Variants in CACNB2 observed in about 807,000 individuals in gnomAD.
The protein encoded by CACNB2 is voltage-dependent L-type calcium channel subunit beta-2.
A neutral mutation model predicts 73.3 loss-of-function variants in CACNB2; 42 were observed. That is an observed-to-expected ratio of 0.57 (90% CI 0.45 to 0.74). CACNB2 has a LOEUF of 0.74. Among genes scored for constraint, CACNB2 ranks in the 30% least tolerant of loss-of-function variants. The pLI, the probability that CACNB2 is intolerant of heterozygous loss-of-function variation, is 0.00. For missense variants in CACNB2, 940 were observed against 853.0 expected (o/e 1.10, Z -1.27); for synonymous variants, 348 against 310.3 (o/e 1.12, Z -1.28).
At chr10:18,438,308 C>T (rs1167158335) in intron 3 of CACNB2, among the ~76,000 whole-genome samples, 1 of 151,226 alleles carries the variant, frequency 6.6e-6, no homozygotes, top group African/African-American at 2.4e-5. Context: ...GGATTACAGG[C>T]GTGAGCCACC....
At chr10:18,343,958 C>A (rs1449107898) in intron 2 of CACNB2, among the ~76,000 whole-genome samples, 1 of 151,776 alleles carries the variant, frequency 6.6e-6, no homozygotes, top group East Asian at 1.9e-4. Context: ...TGGGCGTAAA[C>A]CTGAGACAAC....
At chr10:18,252,314 T>A (rs1324708777) in intron 2 of CACNB2, among the ~76,000 whole-genome samples, 1 of 152,160 alleles carries the variant, frequency 6.6e-6, no homozygotes, top group Non-Finnish European at 1.5e-5. Flanking sequence ...CCAGGAGAAA[T>A]CGGTGTCTGG....
At chr10:18,210,087 C>A (rs2035256742) in intron 2 of CACNB2, among the ~76,000 whole-genome samples, 1 of 152,134 alleles carries the variant, frequency 6.6e-6, no homozygotes, top group Admixed American at 6.6e-5. Context: ...TGTCATATCC[C>A]CGTTTGAAAG....
chr10:18,172,717 G>A (rs1451830198), intron 2 of CACNB2, among the ~76,000 whole-genome samples: 2 of 151,970 alleles, frequency 1.3e-5, no homozygotes, highest in Non-Finnish European at 2.9e-5. Context: ...TATTTTCAGT[G>A]GATGGTGTAG....
chr10:18,482,804 G>A (rs551596129), intron 3 of CACNB2, among the ~76,000 whole-genome samples: 48 of 152,208 alleles, frequency 3.2e-4, no homozygotes, highest in African/African-American at 1.1e-3. Context: ...GAGCCACCAC[G>A]CCAGGCCTGG....
chr10:18,431,280 C>T (rs2045878034), intron 3 of CACNB2, among the ~76,000 whole-genome samples: 2 of 152,250 alleles, frequency 1.3e-5, no homozygotes, highest in South Asian at 4.2e-4. Flanking sequence ...CATTCCTGGC[C>T]TGTCTGAGAT....
chr10:18,252,423 G>C (rs2037125321), intron 2 of CACNB2, among the ~76,000 whole-genome samples: 1 of 152,144 alleles, frequency 6.6e-6, no homozygotes, highest in South Asian at 2.1e-4. Flanking sequence ...TTTTGAGTTG[G>C]CTGCTCGAAA....
intron 2 of CACNB2, among the ~76,000 whole-genome samples, chr10:18,231,730 A>G (rs1207769818): frequency 6.6e-6 from 1 of 152,094 alleles, no homozygotes; most frequent in Non-Finnish European, 1.5e-5. Context: ...CATGCTGAAG[A>G]CTTAAGTTCT....
intron 2 of CACNB2, among the ~76,000 whole-genome samples, chr10:18,379,820 G>A (rs563921511): frequency 1.5e-3 from 222 of 152,234 alleles, no homozygotes; most frequent in African/African-American, 4.9e-3. Context: ...CCAAGTGGCT[G>A]GGACTATAGG....
At chr10:18,353,242 T>A (rs1258710803) in intron 2 of CACNB2, among the ~76,000 whole-genome samples, 2 of 152,008 alleles carry the variant, frequency 1.3e-5, no homozygotes, top group African/African-American at 4.8e-5. Flanking sequence ...AAACCCCATA[T>A]CTACTAAAAA....
chr10:18,407,056 G>T (rs1363559731), intron 3 of CACNB2, among the ~76,000 whole-genome samples: 3 of 143,112 alleles, frequency 2.1e-5, no homozygotes, highest in Non-Finnish European at 4.5e-5. Flanking sequence ...TTTTTCTGCA[G>T]ATTTGTGAAG....
chr10:18,172,924 C>CTTTTTTTTTTTTTTTTTTTTTTTTTT (rs58345605), intron 2 of CACNB2, among the ~76,000 whole-genome samples: 4 of 117,470 alleles, frequency 3.4e-5, no homozygotes, highest in African/African-American at 1.3e-4. Context: ...ATAATAAGGC[C>CTTTTTTTTTTTTTTTTTTTTTTTTTT]TTTTTTTTTT....
intron 2 of CACNB2, among the ~76,000 whole-genome samples, chr10:18,394,023 C>T (rs754160840): frequency 1.3e-5 from 2 of 152,184 alleles, no homozygotes; most frequent in Non-Finnish European, 2.9e-5. Flanking sequence ...CTTACTGCAA[C>T]CTCTGCCTCC....
At chr10:18,536,245 T>C (rs968729114) in intron 12 of CACNB2, 49 bp downstream of exon 12, 1 of 372,504 alleles carries the variant, frequency 2.7e-6, no homozygotes, top group Non-Finnish European at 4.5e-6. Flanking sequence ...GATCAGACCT[T>C]TTTTTTTTTT....
intron 5 of CACNB2, among the ~76,000 whole-genome samples, chr10:18,503,153 A>G (rs866634370): frequency 6.6e-6 from 1 of 152,118 alleles, no homozygotes; most frequent in South Asian, 2.1e-4. Flanking sequence ...GAGAAAAAAA[A>G]GTAAAGACAT....
At chr10:18,327,038 A>ATT (rs34029573) in intron 2 of CACNB2, among the ~76,000 whole-genome samples, 8 of 151,536 alleles carry the variant, frequency 5.3e-5, no homozygotes, top group African/African-American at 1.2e-4. Context: ...GAAAGTAATG[A>ATT]TTTTTTTTTA....
intron 3 of CACNB2, among the ~76,000 whole-genome samples, chr10:18,402,751 G>A (rs2044073545): frequency 6.6e-6 from 1 of 152,154 alleles, no homozygotes; most frequent in African/African-American, 2.4e-5. Context: ...TATTTCTAAA[G>A]CATAGATTGT....
chr10:18,508,237 A>G (rs756574948), intron 6 of CACNB2, among the ~76,000 whole-genome samples: 100 of 152,360 alleles, frequency 6.6e-4, no homozygotes, highest in Non-Finnish European at 1.2e-3. Flanking sequence ...TTCAAAAACT[A>G]TCTACTTATA....
chr10:18,342,872 T>C (rs1489513753), intron 2 of CACNB2, among the ~76,000 whole-genome samples: 18 of 152,152 alleles, frequency 1.2e-4, no homozygotes, highest in Non-Finnish European at 1.5e-5. Context: ...GTATATGTAT[T>C]ATGGGATAGT....
Sources: gnomAD v4.1 joint callset for allele counts (sites outside exome capture counted in the v4.1 genomes callset) on GRCh38, gnomAD v4.1.1 for gene constraint, MANE v1.5 for transcripts, NCBI Gene and HGNC (gene_info 2026-07-23, HGNC 2026-07-21) for gene names.